Variants in INPP5A observed in about 807,000 individuals in gnomAD.
INPP5A encodes the protein inositol polyphosphate-5-phosphatase A.
Under a neutral mutation model 65.2 loss-of-function variants are expected in INPP5A, and 14 were observed. That is an observed-to-expected ratio of 0.21 (90% CI 0.14 to 0.34). The LOEUF (loss-of-function observed/expected upper bound fraction) is 0.34, where lower values mean the gene tolerates loss of function less well. Ranked by LOEUF, INPP5A falls within the 10% of genes least tolerant of loss-of-function variation. The pLI, the probability that INPP5A is intolerant of heterozygous loss-of-function variation, is 1.00. For missense variants in INPP5A, 431 were observed against 545.6 expected, an observed-to-expected ratio of 0.79 and a Z score of 2.09; for synonymous variants, 207 against 208.3, an observed-to-expected ratio of 0.99 and a Z score of 0.05.
rs1395610433 is a variant in INPP5A, at chr10:132,546,434, G to C, written c.75+8263G>C. Among the ~76,000 whole-genome samples the C allele has an allele frequency of 6.6e-6, 1 of 152,116 alleles. No individual in the cohort carries two copies. The highest frequency in any genetic ancestry group is 2.4e-5 in the African/African-American group (1 of 41,402). On this transcript the variant is annotated intron_variant, in intron 1 of 15. Transcript: ENST00000368594. The surrounding 1 kb of genome is among the most constrained non-coding windows in gnomAD (Gnocchi z 5.7). The stretch of plus-strand genomic sequence containing the variant: ...AACCCTGAGCCCCTGGTGGGTCTCG[G>C]TGACCTTGAGCCGGTTGTCTTCTTG...
At chr10:132,712,821 G>A (rs1029670667) in intron 8 of INPP5A, among the ~76,000 whole-genome samples, 1 of 149,470 alleles carries the variant, frequency 6.7e-6, no homozygotes, top group Non-Finnish European at 1.5e-5. Flanking sequence ...TGTGTGTGGG[G>A]CCTCGTGTGG....
At chr10:132,701,197 C>T (rs1845431157) in intron 6 of INPP5A, among the ~76,000 whole-genome samples, 1 of 152,208 alleles carries the variant, frequency 6.6e-6, no homozygotes, top group African/African-American at 2.4e-5. Context: ...GCTGAAGGAA[C>T]CCTATTAACA....
At chr10:132,573,324 G>T (rs1367979494) in intron 1 of INPP5A, among the ~76,000 whole-genome samples, 1 of 143,886 alleles carries the variant, frequency 6.9e-6, no homozygotes, top group Admixed American at 6.9e-5. Context: ...TTGAGATGTT[G>T]GGGTGTGTGT....
rs1205669885 is a variant in INPP5A at position 132,546,238 on chromosome 10, G to C, written c.75+8067G>C. ...GGGTGATGGCGCTCCCAGCCCGCGG[G>C]GGTCTTGGCGTTGGCGCAGAAGTGG... is the stretch of plus-strand genomic sequence containing the variant. On this transcript the variant is annotated intron_variant, in intron 1 of 15. Coordinates refer to ENST00000368594, the MANE Select transcript of INPP5A (RefSeq NM_005539.5). This position sits in a 1 kb window ranked among gnomAD's most constrained non-coding sequence, Gnocchi z 5.7. Among the ~76,000 whole-genome samples, 3 of 152,246 alleles carry C rather than the reference G, an allele frequency of 2.0e-5. No individual in the cohort carries two copies. The highest frequency in any genetic ancestry group is 4.8e-5 in the African/African-American group (2 of 41,464).
In INPP5A at chr10:132,545,453, C is replaced by T. The variant is rs1188185710; in HGVS notation, c.75+7282C>T. On this transcript the variant is annotated intron_variant, in intron 1 of 15. Transcript: ENST00000368594. The surrounding 1 kb of genome is among the most constrained non-coding windows in gnomAD (Gnocchi z 4.6). ...AGCCTCCAGGAAGGTGGCCTCCATC[C>T]GGGAATGGGGTCCAGGCGGAGGAGG... 3.9e-5 allele frequency among the ~76,000 whole-genome samples: 6 copies of T among 152,268 alleles called. No individual in the cohort carries two copies. Among genetic ancestry groups the T allele is most frequent in the East Asian group, 1.9e-4 (1 of 5,180 alleles).
At chr10:132,684,860 G>A (rs1490067871) in intron 4 of INPP5A, among the ~76,000 whole-genome samples, 3 of 152,202 alleles carry the variant, frequency 2.0e-5, no homozygotes, top group Admixed American at 2.0e-4. Flanking sequence ...GCGTGAGGCC[G>A]CGTCCTTCAT....
chr10:132,653,306 A>C (rs1267014667), intron 4 of INPP5A, among the ~76,000 whole-genome samples: 1 of 151,910 alleles, frequency 6.6e-6, no homozygotes, highest in Admixed American at 6.6e-5. Context: ...TACCTTCTTC[A>C]GGCCCCCGAG....
rs186276723 is a variant in INPP5A, at chr10:132,723,735, G to A, written c.648-3086G>A. ...TATCTTGTGGTCTCGCCTACACCTG[G>A]GCTTGGCTGGCTGCATCCTGCCCGC... is the stretch of plus-strand genomic sequence containing the variant. On this transcript the variant is annotated intron_variant, in intron 8 of 15. Coordinates refer to ENST00000368594, the MANE Select transcript of INPP5A (RefSeq NM_005539.5). 9.6e-4 allele frequency among the ~76,000 whole-genome samples: 146 copies of A among 152,212 alleles called. 1 individual carries two copies. The highest frequency in any genetic ancestry group is 1.3e-3 in the Non-Finnish European group (91 of 67,998).
intron 12 of INPP5A, among the ~76,000 whole-genome samples, chr10:132,777,050 C>T (rs932858186): frequency 6.6e-6 from 1 of 152,180 alleles, no homozygotes; most frequent in Admixed American, 6.5e-5. Flanking sequence ...GGGCTCCGCC[C>T]TCAGGGCTAC....
At chr10:132,639,582 C>A (rs185906928) in intron 2 of INPP5A, among the ~76,000 whole-genome samples, 2 of 152,296 alleles carry the variant, frequency 1.3e-5, no homozygotes, top group Admixed American at 1.3e-4. Context: ...TCTTGTTATG[C>A]ACTCACTGAG....
intron 1 of INPP5A, among the ~76,000 whole-genome samples, chr10:132,606,532 C>T (rs552329456): frequency 8.5e-5 from 13 of 152,352 alleles, no homozygotes; most frequent in African/African-American, 2.6e-4. Flanking sequence ...GTTCTCGGCT[C>T]GGTCCTGTGA....
chr10:132,720,380 C>A (rs1191266567), intron 8 of INPP5A, among the ~76,000 whole-genome samples: 1 of 144,132 alleles, frequency 6.9e-6, no homozygotes, highest in Non-Finnish European at 1.5e-5. Context: ...TGGGTTCTGT[C>A]TGGGCACCTT....
chr10:132,608,131 C>T (rs745345848), intron 2 of INPP5A, among the ~76,000 whole-genome samples, 175 bp downstream of exon 2: 8 of 152,226 alleles, frequency 5.3e-5, no homozygotes, highest in Non-Finnish European at 8.8e-5. Context: ...GTGTCACAGT[C>T]GGTCCACTGC....
intron 8 of INPP5A, among the ~76,000 whole-genome samples, chr10:132,712,805 T>C (rs941607557): frequency 6.6e-6 from 1 of 151,664 alleles, no homozygotes; most frequent in South Asian, 2.1e-4. Flanking sequence ...CTGATGCATG[T>C]GTGCATGTGT....
chr10:132,685,833 G>A (rs563189079), intron 4 of INPP5A, among the ~76,000 whole-genome samples: 25 of 152,366 alleles, frequency 1.6e-4, no homozygotes, highest in African/African-American at 6.0e-4. Context: ...TGTTTGCAAA[G>A]TGGGCCCGCT....
At chr10:132,613,159 C>G (rs1001822292) in intron 2 of INPP5A, among the ~76,000 whole-genome samples, 2 of 152,166 alleles carry the variant, frequency 1.3e-5, no homozygotes, top group Non-Finnish European at 2.9e-5. Context: ...TTACTGTGAG[C>G]GTTGATAGTA....
At chr10:132,755,230 C>T (rs1283191997) in intron 11 of INPP5A, among the ~76,000 whole-genome samples, 7 of 146,276 alleles carry the variant, frequency 4.8e-5, no homozygotes, top group Non-Finnish European at 7.5e-5. Flanking sequence ...TGTGAGCAGG[C>T]GTGTACATGC....
intron 12 of INPP5A, among the ~76,000 whole-genome samples, chr10:132,772,281 A>G (rs79018010): frequency 8.5e-4 from 5 of 5,862 alleles, no homozygotes; most frequent in African/African-American, 2.3e-3. Flanking sequence ...GCACTGACAC[A>G]GAGGCCACGG....
At chr10:132,624,834 C>T (rs1267946280) in intron 2 of INPP5A, among the ~76,000 whole-genome samples, 3 of 151,892 alleles carry the variant, frequency 2.0e-5, no homozygotes, top group East Asian at 3.9e-4. Flanking sequence ...TGGCCTGCCC[C>T]ACAGTGTCAC....
Sources: allele counts gnomAD v4.1 joint callset (sites outside exome capture counted in the v4.1 genomes callset), GRCh38; gene constraint gnomAD v4.1.1; non-coding constraint Gnocchi (gnomAD v3.1); transcripts MANE v1.5; gene names NCBI Gene and HGNC (gene_info 2026-07-23, HGNC 2026-07-21).